Variants in ATP1A1 observed in about 807,000 individuals in gnomAD.
The protein encoded by ATP1A1 is sodium/potassium-transporting ATPase subunit alpha-1.
Under a neutral mutation model 114.8 loss-of-function variants are expected in ATP1A1, and 14 were observed. That is an observed-to-expected ratio of 0.12 (90% CI 0.08 to 0.19). The LOEUF is 0.19. Ranked by LOEUF, ATP1A1 falls within the 10% of genes least tolerant of loss-of-function variation. ATP1A1 has a pLI of 1.00. For synonymous variants in ATP1A1, 471 were observed against 466.3 expected (o/e 1.01, Z -0.13); for missense variants, 524 against 1,290.7 (o/e 0.41, Z 9.10).
At chr1:116,403,330 C>T (rs1438202185) in intron 21 of ATP1A1, among the ~76,000 whole-genome samples, 1 of 152,180 alleles carries the variant, frequency 6.6e-6, no homozygotes, top group East Asian at 1.9e-4. Context: ...GGCTCAGCCT[C>T]CAGGCCCCTT....
chr1:116,398,496 CATAA>C lies in ATP1A1; in HGVS notation c.2125-121_2125-118del, dbSNP rs146142573. On this transcript the variant is annotated intron_variant, in intron 15 of 22. Transcript: ENST00000295598. This position sits in a 1 kb window ranked among gnomAD's most constrained non-coding sequence, Gnocchi z 6.1. ...CTTGCCTGTGACGGTTCTCAGGCTT[CATAA>C]ATAGTCTCAATAGGAAAGGAGCAGT... is the stretch of plus-strand genomic sequence containing the variant. The C allele has an allele frequency of 8.9e-4, 1,113 of 1,252,378 alleles. 11 individuals are homozygous for C. The African/African-American group carries it at 0.015, about 17-fold the overall frequency. 77.6% of individuals were successfully genotyped at this position (1,252,378 alleles called of 1,614,324 possible).
In ATP1A1 at chr1:116,404,447, C is replaced by T. The variant is rs1653803652; in HGVS notation, c.*3C>T. 1 of 1,611,656 alleles carries T rather than the reference C, an allele frequency of 6.2e-7. No individual in the cohort carries two copies. The highest frequency in any genetic ancestry group is 8.5e-7 in the Non-Finnish European group (1 of 1,179,276). Reference sequence around the variant, plus strand: ...TGGAGAAGGAAACCTACTATTAGCCCCCCGTCCTGCACGCCGTGGAGCATC... The same window carrying T: ...TGGAGAAGGAAACCTACTATTAGCCTCCCGTCCTGCACGCCGTGGAGCATC... On this transcript the variant is annotated 3_prime_UTR_variant, in exon 23 of 23. Transcript: ENST00000295598. This position sits in a 1 kb window ranked among gnomAD's most constrained non-coding sequence, Gnocchi z 4.8.
At chr1:116,394,423 T>C (rs898723956) in intron 12 of ATP1A1, among the ~76,000 whole-genome samples, 2 of 152,184 alleles carry the variant, frequency 1.3e-5, no homozygotes, top group African/African-American at 4.8e-5. Flanking sequence ...AACCGAAGGA[T>C]TGCTATCTTC....
At position 116,399,723 on chromosome 1, in the gene ATP1A1, C is replaced by G. The variant is rs1200737769; in HGVS notation, c.2572+180C>G. Among the ~76,000 whole-genome samples, 1 of 152,230 alleles carries G rather than the reference C, an allele frequency of 6.6e-6. No individual in the cohort carries two copies. Among genetic ancestry groups the G allele is most frequent in the South Asian group, 2.1e-4 (1 of 4,836 alleles). ...AACTCTCTTCCATGTGAGAATACAT[C>G]TGTTGCTGTTTGCCCAGTTACCTTT... is the stretch of plus-strand genomic sequence containing the variant. On this transcript the variant is annotated intron_variant, in intron 18 of 22. Transcript: ENST00000295598. The surrounding 1 kb of genome is among the most constrained non-coding windows in gnomAD (Gnocchi z 5.0).
intron 1 of ATP1A1, among the ~76,000 whole-genome samples, chr1:116,377,387 C>T (rs1172769919): frequency 6.6e-6 from 1 of 152,304 alleles, no homozygotes; most frequent in Non-Finnish European, 1.5e-5. Flanking sequence ...GTCATTAGCC[C>T]TTGCAAAATT....
rs534732575 is a variant in ATP1A1 at position 116,401,323 on chromosome 1, C to T, written c.2849+63C>T. 6 of 1,605,172 alleles carry T rather than the reference C, an allele frequency of 3.7e-6. No homozygotes were observed. The highest frequency in any genetic ancestry group is 2.2e-5 in the East Asian group (1 of 44,632). ...GAAGGGGACTGGTGATTTGTAAACC[C>T]TTTGCCAAAAACTAAACATATGACA... On this transcript the variant is annotated intron_variant, in intron 20 of 22. Coordinates refer to ENST00000295598, the MANE Select transcript of ATP1A1 (RefSeq NM_000701.8). This position sits in a 1 kb window ranked among gnomAD's most constrained non-coding sequence, Gnocchi z 4.7.
rs113334517 is a variant in ATP1A1, at chr1:116,396,580, T to C, written c.1837-18T>C. On this transcript the variant is annotated intron_variant, in intron 13 of 22. Transcript: ENST00000295598. ...TTACTTGGCAGTTGCATTCAACACA[T>C]TGTCTTGTTTATTACAGGTCATCAT... 6.2e-7 allele frequency: 1 copy of C among 1,612,560 alleles called. No homozygotes were observed. Among genetic ancestry groups the C allele is most frequent in the Non-Finnish European group, 8.5e-7 (1 of 1,179,376 alleles).
In ATP1A1 at chr1:116,385,601, G is replaced by C. The variant is rs967768951; in HGVS notation, c.183+759G>C. The C allele has an allele frequency of 6.6e-6, 1 of 152,134 alleles. No individual in the cohort carries two copies. The allele number at this position is 152,134 out of a possible 1,614,324, so 9.4% of individuals were successfully genotyped here. A position where few individuals can be genotyped will look rare whatever the true frequency, so the allele number is the denominator to read the frequency against. On this transcript the variant is annotated intron_variant, in intron 3 of 22. Coordinates refer to ENST00000295598, the MANE Select transcript of ATP1A1 (RefSeq NM_000701.8). The surrounding 1 kb of genome is among the most constrained non-coding windows in gnomAD (Gnocchi z 4.3). ...AACTCCCATAGCCCTTATTACAGTC[G>C]TTTGTTATAATGTTGGGTGTGTTAG...
chr1:116,393,163 T>G lies in ATP1A1; in HGVS notation c.1467+175T>G. 1 of 993,804 alleles carries G rather than the reference T, an allele frequency of 1.0e-6. No individual in the cohort carries two copies. The highest frequency in any genetic ancestry group is 1.4e-6 in the Non-Finnish European group (1 of 695,994). The allele number at this position is 993,804 out of a possible 1,614,324, so 61.6% of individuals were successfully genotyped here. On this transcript the variant is annotated intron_variant, in intron 11 of 22. Coordinates refer to ENST00000295598, the MANE Select transcript of ATP1A1 (RefSeq NM_000701.8). The surrounding 1 kb of genome is among the most constrained non-coding windows in gnomAD (Gnocchi z 5.0). Reference sequence around the variant, plus strand: ...TTTAGTTGAATATCAGCAGGATAAATGAAGCCTCTTGCAAAACACTGTTGA... The same window carrying G: ...TTTAGTTGAATATCAGCAGGATAAAGGAAGCCTCTTGCAAAACACTGTTGA...
rs1479081300 is a variant in ATP1A1 at position 116,404,390 on chromosome 1, C to T, written c.3044-26C>T. On this transcript the variant is annotated intron_variant, in intron 22 of 22. Transcript: ENST00000295598. The surrounding 1 kb of genome is among the most constrained non-coding windows in gnomAD (Gnocchi z 4.8). ...GCGAGGAAGACTCACTGTAGTGTGT[C>T]TTGTCTGTCTCTTTGCCACCCACAG... The T allele has an allele frequency of 6.2e-7, 1 of 1,613,826 alleles. No individual in the cohort carries two copies. The highest frequency in any genetic ancestry group is 1.7e-5 in the Admixed American group (1 of 59,992).
chr1:116,389,740 A>G lies in ATP1A1; in HGVS notation c.1023+33A>G. 6.2e-7 allele frequency: 1 copy of G among 1,612,100 alleles called. No individual in the cohort carries two copies. Among genetic ancestry groups the G allele is most frequent in the Non-Finnish European group, 8.5e-7 (1 of 1,178,444 alleles). On this transcript the variant is annotated intron_variant, in intron 8 of 22. Transcript: ENST00000295598. This position sits in a 1 kb window ranked among gnomAD's most constrained non-coding sequence, Gnocchi z 6.9. ...GCAGGTGATGGTCACCCTGACTCAG[A>G]TCAGCTTGCACGAATGTTACACTCT...
At position 116,393,829 on chromosome 1, in the gene ATP1A1, C is replaced by A; in HGVS notation, c.1660+106C>A. On this transcript the variant is annotated intron_variant, in intron 12 of 22. Coordinates refer to ENST00000295598, the MANE Select transcript of ATP1A1 (RefSeq NM_000701.8). This position sits in a 1 kb window ranked among gnomAD's most constrained non-coding sequence, Gnocchi z 5.0. Reference sequence around the variant, plus strand: ...CCTATGAACCTCTATGTCTTGTTGACCTTCCTCTACATCTTTTAGGGGCAA... The same window carrying A: ...CCTATGAACCTCTATGTCTTGTTGAACTTCCTCTACATCTTTTAGGGGCAA... The A allele has an allele frequency of 8.9e-7, 1 of 1,118,386 alleles. No homozygotes were observed. Among genetic ancestry groups the A allele is most frequent in the Non-Finnish European group, 1.2e-6 (1 of 803,588 alleles). 69.3% of individuals were successfully genotyped at this position (1,118,386 alleles called of 1,614,324 possible). A position where few individuals can be genotyped will look rare whatever the true frequency, so the allele number is the denominator to read the frequency against.
In ATP1A1 at chr1:116,395,298, C is replaced by T. The variant is rs564222241; in HGVS notation, c.1836+13C>T. On this transcript the variant is annotated intron_variant, in intron 13 of 22. Transcript: ENST00000295598. The surrounding 1 kb of genome is among the most constrained non-coding windows in gnomAD (Gnocchi z 6.4). ...TGCTGGAATTAAGGTAGTGCCCAGG[C>T]GCCTCCTTGGCTTCATCTCTTAGTG... 47 of 1,612,700 alleles carry T rather than the reference C, an allele frequency of 2.9e-5. No homozygotes were observed. The highest frequency in any genetic ancestry group is 4.5e-5 in the East Asian group (2 of 44,844).
chr1:116,389,000 T>C lies in ATP1A1; in HGVS notation c.735T>C (p.Phe245=). The C allele has an allele frequency of 1.9e-6, 3 of 1,614,186 alleles. No homozygotes were observed. The highest frequency in any genetic ancestry group is 1.1e-5 in the South Asian group (1 of 91,090). The change falls in exon 7 of 23, where the codon TTT becomes TTC. Residue 245 remains phenylalanine (F), a synonymous_variant. Coordinates refer to ENST00000295598, the MANE Select transcript of ATP1A1 (RefSeq NM_000701.8). The surrounding 1 kb of genome is among the most constrained non-coding windows in gnomAD (Gnocchi z 5.6). The part of the protein sequence containing the change: ...NPLETRNIAF[F]STNCVEGTAR... Reference sequence around the variant, plus strand: ...TGGAGACGAGGAACATTGCCTTCTTTTCAACCAATTGTGTTGAAGGTAGGC... The same window carrying C: ...TGGAGACGAGGAACATTGCCTTCTTCTCAACCAATTGTGTTGAAGGTAGGC...
In ATP1A1 at chr1:116,389,147, A is replaced by G. The variant is rs989640442; in HGVS notation, c.754+128A>G. 12 of 1,006,548 alleles carry G rather than the reference A, an allele frequency of 1.2e-5. No homozygotes were observed. Among genetic ancestry groups the G allele is most frequent in the African/African-American group, 3.3e-5 (2 of 61,220 alleles). 62.4% of individuals were successfully genotyped at this position (1,006,548 alleles called of 1,614,324 possible). A position where few individuals can be genotyped will look rare whatever the true frequency, so the allele number is the denominator to read the frequency against. ...TGAGAACTTGTGTCAAGCACAGAGC[A>G]GAGGTGTTTTCCTAGCTGGCAGGAA... On this transcript the variant is annotated intron_variant, in intron 7 of 22. Transcript: ENST00000295598. The surrounding 1 kb of genome is among the most constrained non-coding windows in gnomAD (Gnocchi z 6.9).
Position 116,387,363 on chromosome 1 carries a change from C to G in ATP1A1, c.259C>G (p.Pro87Ala), listed in dbSNP as rs749401049. 6.2e-7 allele frequency: 1 copy of G among 1,614,088 alleles called. No homozygotes were observed. Among genetic ancestry groups the G allele is most frequent in the African/African-American group, 1.3e-5 (1 of 74,920 alleles). Reference sequence around the variant, plus strand: ...CGCCCTCACTCCCCCTCCCACTACTCCTGAATGGATCAAGTTTTGTCGGCA... The same window carrying G: ...CGCCCTCACTCCCCCTCCCACTACTGCTGAATGGATCAAGTTTTGTCGGCA... ...PNALTPPPTTPEWIKFCRQLF... is the reference protein window; with the variant it reads ...PNALTPPPTTAEWIKFCRQLF... The change falls in exon 4 of 23, where the codon CCT (proline) becomes GCT (alanine). Residue 87 changes from proline to alanine, a missense_variant. Transcript: ENST00000295598. This position sits in a 1 kb window ranked among gnomAD's most constrained non-coding sequence, Gnocchi z 6.7.
chr1:116,400,760 T>C, intron 18 of ATP1A1, 101 bp from the exon 19 acceptor site: 1 of 1,389,822 alleles, frequency 7.2e-7, no homozygotes, highest in Non-Finnish European at 9.9e-7. Flanking sequence ...GAAACACTCC[T>C]CCATATGTGC....
At position 116,399,852 on chromosome 1, in the gene ATP1A1, G is replaced by A. The variant is rs1305143103; in HGVS notation, c.2572+309G>A. Among the ~76,000 whole-genome samples the A allele has an allele frequency of 6.6e-6, 1 of 152,204 alleles. No homozygotes were observed. The highest frequency in any genetic ancestry group is 6.5e-5 in the Admixed American group (1 of 15,292). ...CTGAGCCTTGCGGAACAGGAGGCATGGTTCTAAGGAATTGTGTGTACTGAC... is the reference window on the plus strand; with the variant it reads ...CTGAGCCTTGCGGAACAGGAGGCATAGTTCTAAGGAATTGTGTGTACTGAC... On this transcript the variant is annotated intron_variant, in intron 18 of 22. Coordinates refer to ENST00000295598, the MANE Select transcript of ATP1A1 (RefSeq NM_000701.8). This position sits in a 1 kb window ranked among gnomAD's most constrained non-coding sequence, Gnocchi z 5.0.
chr1:116,376,443 A>G (rs1375441639), intron 1 of ATP1A1, among the ~76,000 whole-genome samples: 4 of 152,202 alleles, frequency 2.6e-5, no homozygotes, highest in Non-Finnish European at 4.4e-5. Context: ...CAGAGTGGAA[A>G]GTTGCCCGGG....
Sources: allele counts gnomAD v4.1 joint callset (sites outside exome capture counted in the v4.1 genomes callset), GRCh38; gene constraint gnomAD v4.1.1; non-coding constraint Gnocchi (gnomAD v3.1); transcripts MANE v1.5; gene names NCBI Gene and HGNC (gene_info 2026-07-23, HGNC 2026-07-21).